The following IL1RAPL2 variants were observed in gnomAD, a reference collection of about 807,000 sequenced individuals.
IL1RAPL2 encodes X-linked interleukin-1 receptor accessory protein-like 2.
In IL1RAPL2, 3 loss-of-function variants were observed where a neutral mutation model predicts 44.1. The ratio of observed to expected loss-of-function variants is 0.07; its 90% CI spans 0.03 to 0.18. The LOEUF (loss-of-function observed/expected upper bound fraction) is 0.18, where lower values mean the gene tolerates loss of function less well. Among genes scored for constraint, IL1RAPL2 ranks in the 10% least tolerant of loss-of-function variants. IL1RAPL2 has a pLI of 1.00. For synonymous variants in IL1RAPL2, 181 were observed against 178.8 expected (o/e 1.01, Z -0.10); for missense variants, 391 against 496.4 (o/e 0.79, Z 2.02).
rs1207315551 is a variant in IL1RAPL2, at chrX:105,363,289, AATATATATATATATATATAATATAT to A, written c.697+95765_697+95789del. ...TATATATATGTGTGTATATATATAT[AATATATATATATATATATAATATAT>A]ATATATATATATATATTCTTCATTC... is the stretch of plus-strand genomic sequence containing the variant. On this transcript the variant is annotated intron_variant, in intron 5 of 10. Transcript: ENST00000372582. 6.6e-4 allele frequency among the ~76,000 whole-genome samples: 50 copies of A among 76,208 alleles called. No homozygotes were observed. The South Asian group carries it at 0.019, about 29-fold the overall frequency. The allele number at this position is 76,208 out of a possible 115,157, so 66.2% of individuals were successfully genotyped here.
intron 2 of IL1RAPL2, among the ~76,000 whole-genome samples, chrX:105,143,712 T>G (rs959528832): frequency 1.8e-5 from 2 of 111,839 alleles, no homozygotes; most frequent in African/African-American, 6.5e-5. Flanking sequence ...ATATGGGCCT[T>G]CTCTATTTTC....
chrX:105,059,546 T>C (rs745644991), intron 2 of IL1RAPL2, among the ~76,000 whole-genome samples: 3 of 112,095 alleles, frequency 2.7e-5, no homozygotes, highest in Non-Finnish European at 3.8e-5. Flanking sequence ...TCTTTCTTTT[T>C]TCGAGATGGA....
intron 2 of IL1RAPL2, among the ~76,000 whole-genome samples, chrX:105,155,270 T>C (rs2033260167): frequency 9.0e-6 from 1 of 111,272 alleles, no homozygotes; most frequent in South Asian, 3.8e-4. Context: ...ATAGAATAGT[T>C]TGAAGTCAGA....
chrX:105,020,906 T>C (rs2031272764), intron 2 of IL1RAPL2, among the ~76,000 whole-genome samples: 1 of 111,984 alleles, frequency 8.9e-6, no homozygotes, highest in Non-Finnish European at 1.9e-5. Flanking sequence ...ATTAGGTGAC[T>C]AGGCATACGT....
chrX:105,759,982 G>A (rs1400372562), intron 10 of IL1RAPL2, among the ~76,000 whole-genome samples: 2 of 111,301 alleles, frequency 1.8e-5, no homozygotes, highest in Admixed American at 9.6e-5. Context: ...TTGAGGGAGG[G>A]GTGACATGAA....
chrX:105,121,102 C>T (rs910088991), intron 2 of IL1RAPL2, among the ~76,000 whole-genome samples: 2 of 111,694 alleles, frequency 1.8e-5, no homozygotes, highest in Admixed American at 1.9e-4. Flanking sequence ...ATTGAGAAAT[C>T]TTGAATAAGA....
chrX:105,109,859 A>C (rs1213904955), intron 2 of IL1RAPL2, among the ~76,000 whole-genome samples: 1 of 112,430 alleles, frequency 8.9e-6, no homozygotes, highest in Non-Finnish European at 1.9e-5. Flanking sequence ...TTTACGAGAG[A>C]GCAAAGAAAC....
intron 5 of IL1RAPL2, among the ~76,000 whole-genome samples, chrX:105,474,280 T>C (rs1251830048): frequency 9.0e-6 from 1 of 111,485 alleles, no homozygotes; most frequent in African/African-American, 3.3e-5. Context: ...GGAAAAGGAA[T>C]TGATTTTCTC....
intron 2 of IL1RAPL2, among the ~76,000 whole-genome samples, chrX:104,997,845 A>G (rs980716304): frequency 1.8e-5 from 2 of 111,785 alleles, no homozygotes; most frequent in African/African-American, 6.5e-5. Context: ...GTAGAAATCA[A>G]GAGTTCTGTT....
chrX:105,444,571 A>G (rs1009917450), intron 5 of IL1RAPL2, among the ~76,000 whole-genome samples: 1 of 111,771 alleles, frequency 8.9e-6, no homozygotes, highest in Non-Finnish European at 1.9e-5. Context: ...AATAATGCCA[A>G]AAGTATAATT....
At chrX:105,331,309 G>A (rs1412966303) in intron 5 of IL1RAPL2, among the ~76,000 whole-genome samples, 1 of 111,231 alleles carries the variant, frequency 9.0e-6, no homozygotes, top group Admixed American at 9.6e-5. Flanking sequence ...GGCCTTCATG[G>A]CTCCTTTTTG....
intron 5 of IL1RAPL2, among the ~76,000 whole-genome samples, chrX:105,450,099 C>T (rs768720404): frequency 1.0e-3 from 113 of 112,083 alleles, no homozygotes; most frequent in Middle Eastern, 4.6e-3. Flanking sequence ...TTGGGATGGG[C>T]GATTCCCCTC....
At chrX:105,090,669 G>C (rs2036995022) in intron 2 of IL1RAPL2, among the ~76,000 whole-genome samples, 1 of 112,323 alleles carries the variant, frequency 8.9e-6, no homozygotes, top group Admixed American at 9.4e-5. Flanking sequence ...CTTAATTAGT[G>C]GGTGGACAAT....
intron 1 of IL1RAPL2, among the ~76,000 whole-genome samples, chrX:104,646,213 C>T (rs35293824): frequency 0.025 from 2,745 of 110,373 alleles, 40 homozygotes; most frequent in Non-Finnish European, 0.039. Flanking sequence ...AACATAATGA[C>T]ATTTCATAGG....
chrX:104,870,840 A>G (rs1251409293), intron 2 of IL1RAPL2, among the ~76,000 whole-genome samples: 2 of 111,300 alleles, frequency 1.8e-5, no homozygotes, highest in Non-Finnish European at 3.8e-5. Flanking sequence ...TTATTTCTAA[A>G]TTGTTAGTTG....
intron 2 of IL1RAPL2, among the ~76,000 whole-genome samples, chrX:104,808,493 T>C (rs935199409): frequency 4.5e-5 from 5 of 110,690 alleles, no homozygotes; most frequent in African/African-American, 1.6e-4. Context: ...TTGAGCAGGA[T>C]TGAGGTTATG....
chrX:105,317,355 G>C (rs768777355), intron 5 of IL1RAPL2, among the ~76,000 whole-genome samples: 1 of 111,908 alleles, frequency 8.9e-6, no homozygotes, highest in Non-Finnish European at 1.9e-5. Flanking sequence ...TTTGCATGGG[G>C]TTTTCGCTTT....
chrX:105,545,638 G>T (rs1173527117), intron 6 of IL1RAPL2, among the ~76,000 whole-genome samples: 2 of 111,776 alleles, frequency 1.8e-5, no homozygotes, highest in East Asian at 5.6e-4. Flanking sequence ...AGCCTTCATT[G>T]TTTATTATGA....
chrX:105,360,703 G>A lies in IL1RAPL2; in HGVS notation c.697+93162G>A, dbSNP rs920845197. 3.6e-5 allele frequency among the ~76,000 whole-genome samples: 4 copies of A among 111,082 alleles called. No individual in the cohort carries two copies. The East Asian group carries it at 1.1e-3, about 32-fold the overall frequency. On this transcript the variant is annotated intron_variant, in intron 5 of 10. Transcript: ENST00000372582. ...TATAGGCAGAGAAAGTGAATAACAA[G>A]TGTGAAAGCCCAGGGGTAGGAGCTT... is the stretch of plus-strand genomic sequence containing the variant.
Sources: gnomAD v4.1 joint callset for allele counts (sites outside exome capture counted in the v4.1 genomes callset) on GRCh38, gnomAD v4.1.1 for gene constraint, MANE v1.5 for transcripts, NCBI Gene and HGNC (gene_info 2026-07-23, HGNC 2026-07-21) for gene names.